The following TP53BP1 variants were observed in gnomAD, a reference collection of about 807,000 sequenced individuals.
The protein encoded by TP53BP1 is TP53-binding protein 1.
TP53BP1 carries 61 observed loss-of-function variants against 200.8 expected under a neutral mutation model. That is an observed-to-expected ratio of 0.30 (90% CI 0.25 to 0.38). TP53BP1 has a LOEUF of 0.38. Among genes scored for constraint, TP53BP1 ranks in the 10% least tolerant of loss-of-function variants. TP53BP1 has a pLI of 1.00. For missense variants in TP53BP1, 2,144 were observed against 2,371.9 expected, an observed-to-expected ratio of 0.90 and a Z score of 2.00; for synonymous variants, 822 against 844.3, an observed-to-expected ratio of 0.97 and a Z score of 0.46.
At chr15:43,434,587 C>T (rs996039452) in intron 16 of TP53BP1, among the ~76,000 whole-genome samples, 2 of 152,030 alleles carry the variant, frequency 1.3e-5, no homozygotes, top group African/African-American at 4.8e-5. Flanking sequence ...GGGTTAGTGC[C>T]CTTATAAAAG....
At chr15:43,415,951 C>A in intron 22 of TP53BP1, 142 bp from the exon 23 acceptor site, 1 of 758,276 alleles carries the variant, frequency 1.3e-6, no homozygotes, top group Non-Finnish European at 2.1e-6. Context: ...CTTTTTAAGG[C>A]CATATTTTTT....
At position 43,415,903 on chromosome 15, in the gene TP53BP1, G is replaced by A. The variant is rs1028515317; in HGVS notation, c.4874-94C>T. 5.7e-6 allele frequency: 6 copies of A among 1,046,160 alleles called. No homozygotes were observed. In the African/African-American group the frequency reaches 9.5e-5, roughly 17 times the overall value. 64.8% of individuals were successfully genotyped at this position (1,046,160 alleles called of 1,614,324 possible). ...GGCAGACCCTGATTCAGACACCACA[G>A]TGTTCCTTCCCCCACTTCCCATGAG... On this transcript the variant is annotated intron_variant, in intron 22 of 27. Coordinates refer to ENST00000382044, the MANE Select transcript of TP53BP1 (RefSeq NM_001141980.3).
At chr15:43,484,074 G>T (rs2079012679) in intron 4 of TP53BP1, among the ~76,000 whole-genome samples, 2 of 152,144 alleles carry the variant, frequency 1.3e-5, no homozygotes. Flanking sequence ...TGAAAAGATA[G>T]CACAATGTTT....
At chr15:43,481,460 T>TACACACACACACACAC (rs61433356) in intron 4 of TP53BP1, among the ~76,000 whole-genome samples, 3 of 143,714 alleles carry the variant, frequency 2.1e-5, no homozygotes, top group Admixed American at 7.0e-5. Context: ...TGTATATAAA[T>TACACACACACACACAC]ACACACACAC....
At chr15:43,483,812 C>A (rs1466044655) in intron 4 of TP53BP1, among the ~76,000 whole-genome samples, 1 of 152,212 alleles carries the variant, frequency 6.6e-6, no homozygotes, top group Non-Finnish European at 1.5e-5. Context: ...AAACAACACA[C>A]TTTGAGCTCT....
intron 11 of TP53BP1, among the ~76,000 whole-genome samples, chr15:43,458,673 G>A (rs2264051): frequency 0.023 from 3,538 of 151,872 alleles, 127 homozygotes; most frequent in African/African-American, 0.078. Context: ...CCAGCTACTC[G>A]GGAGGCTGAG....
At chr15:43,467,338 A>G (rs1172890225) in intron 11 of TP53BP1, among the ~76,000 whole-genome samples, 1 of 152,008 alleles carries the variant, frequency 6.6e-6, no homozygotes, top group Non-Finnish European at 1.5e-5. Flanking sequence ...TGCTGCAATT[A>G]TAGGTGTGGG....
intron 14 of TP53BP1, among the ~76,000 whole-genome samples, chr15:43,442,179 G>A (rs545624318): frequency 4.1e-5 from 6 of 147,468 alleles, no homozygotes; most frequent in South Asian, 2.1e-4. Context: ...TCTGCCTCCC[G>A]GGTTCACGCC....
chr15:43,494,075 TTTGTTG>T (rs745686104), upstream of TP53BP1, among the ~76,000 whole-genome samples: 1 of 152,044 alleles, frequency 6.6e-6, no homozygotes. Context: ...ATGTGTTTGT[TTTGTTG>T]TTGTTGTTGT....
At chr15:43,428,194 G>T in intron 17 of TP53BP1, 26 bp from the exon 18 acceptor site, 1 of 1,606,034 alleles carries the variant, frequency 6.2e-7, no homozygotes, top group Non-Finnish European at 8.5e-7. Flanking sequence ...CAGAACATAA[G>T]CACAGGTCTC....
intron 24 of TP53BP1, chr15:43,412,525 C>T (rs534443676): frequency 2.7e-6 from 1 of 366,768 alleles, no homozygotes; most frequent in Admixed American, 3.7e-5. Context: ...ACAGACAACA[C>T]AGAAATAAAT....
chr15:43,481,057 G>A, intron 4 of TP53BP1, 35 bp from the exon 5 acceptor site: 1 of 1,613,224 alleles, frequency 6.2e-7, no homozygotes, highest in Non-Finnish European at 8.5e-7. Flanking sequence ...TGTGTTCCCA[G>A]ATAGTTTGGG....
intron 4 of TP53BP1, among the ~76,000 whole-genome samples, chr15:43,481,490 C>CTT (rs2078965528): frequency 6.6e-6 from 1 of 151,000 alleles, no homozygotes; most frequent in African/African-American, 2.4e-5. Flanking sequence ...CACACACACA[C>CTT]ACTTTTTATT....
Position 43,456,987 on chromosome 15 carries a change from TTCTGTGAGAACTCAAGCTCTCCA to T in TP53BP1, c.1598_1620del (p.Met533AsnfsTer2), listed in dbSNP as rs763832850. The T allele has an allele frequency of 6.2e-7, 1 of 1,614,224 alleles. No individual in the cohort carries two copies. ...TGTGTGTTTTCTCCATCTTCATCAATTCTGTGAGAACTCAAGCTCTCCATCTTTGGGGACTGACTATATTCACT... is the reference window on the plus strand; with the variant it reads ...TGTGTGTTTTCTCCATCTTCATCAATTCTTTGGGGACTGACTATATTCACT... On this transcript the variant is annotated frameshift_variant, in exon 12 of 28. Transcript: ENST00000382044. LOFTEE classifies it high-confidence loss of function.
At chr15:43,410,555 T>TAA (rs553092789) in intron 24 of TP53BP1, among the ~76,000 whole-genome samples, 1 of 142,660 alleles carries the variant, frequency 7.0e-6, no homozygotes. Context: ...AATAACACAT[T>TAA]AAAAAAAAAA....
chr15:43,432,516 G>T lies in TP53BP1; in HGVS notation c.3353C>A (p.Ser1118Tyr). 6.2e-7 allele frequency: 1 copy of T among 1,614,126 alleles called. No homozygotes were observed. The highest frequency in any genetic ancestry group is 8.5e-7 in the Non-Finnish European group (1 of 1,180,012). Residue 1118 changes from serine to tyrosine, a missense_variant, in exon 17 of 28, where the codon TCC becomes TAC. Ser to Tyr is a moderately radical substitution (Grantham distance 144). Coordinates refer to ENST00000382044, the MANE Select transcript of TP53BP1 (RefSeq NM_001141980.3). ...CACCATTGCCTCTCCTTGAGGACTG[G>T]ATGGCCCTTGTATGACCATCTTCTG... ...ASQKMVIQGPSSPQGEAMVTD... is the reference protein window; with the variant it reads ...ASQKMVIQGPYSPQGEAMVTD...
At chr15:43,439,288 A>G (rs890663973) in intron 15 of TP53BP1, among the ~76,000 whole-genome samples, 3 of 152,194 alleles carry the variant, frequency 2.0e-5, no homozygotes, top group Admixed American at 6.5e-5. Context: ...CTGTAATCCT[A>G]CCACTTTGGG....
intron 9 of TP53BP1, 142 bp downstream of exon 9, chr15:43,475,423 C>T: frequency 1.1e-6 from 1 of 928,866 alleles, no homozygotes. Flanking sequence ...AGTTCTTCAT[C>T]CCCAAAGCTC....
chr15:43,507,444 C>T (rs971504743), intron 1 of TP53BP1, among the ~76,000 whole-genome samples: 2 of 152,160 alleles, frequency 1.3e-5, no homozygotes, highest in African/African-American at 2.4e-5. Context: ...TAGTCCAATT[C>T]TTTGTTCAAT....
Sources: gnomAD v4.1 joint callset for allele counts (sites outside exome capture counted in the v4.1 genomes callset) on GRCh38, gnomAD v4.1.1 for gene constraint, MANE v1.5 for transcripts, NCBI Gene and HGNC (gene_info 2026-07-23, HGNC 2026-07-21) for gene names.